The following TRPM6 variants were observed in gnomAD, a reference collection of about 807,000 sequenced individuals.
TRPM6 encodes transient receptor potential cation channel subfamily M member 6.
Under a neutral mutation model 247.6 loss-of-function variants are expected in TRPM6, and 111 were observed. The ratio of observed to expected loss-of-function variants is 0.45; its 90% confidence interval spans 0.38 to 0.52. The LOEUF (loss-of-function observed/expected upper bound fraction) is 0.52, where lower values mean the gene tolerates loss of function less well. Ranked by LOEUF, TRPM6 falls within the 20% of genes least tolerant of loss-of-function variation. TRPM6 has a pLI of 0.00. For missense variants in TRPM6, 2,126 were observed against 2,421.5 expected (o/e 0.88, Z 2.56); for synonymous variants, 892 against 853.8 (o/e 1.04, Z -0.78).
In TRPM6 at chr9:74,872,676, G is replaced by A. The variant is rs149644026; in HGVS notation, c.34-13928C>T. 4.1e-3 allele frequency among the ~76,000 whole-genome samples: 616 copies of A among 151,926 alleles called. 6 individuals are homozygous for A. The highest frequency in any genetic ancestry group is 0.014 in the African/African-American group (596 of 41,430). On this transcript the variant is annotated intron_variant, in intron 1 of 38. Transcript: ENST00000360774. ...GTAGAGACAGGGTTTCCCTGTCTTG[G>A]CCAGGCTGATTTCAAACTCCTGACC...
At chr9:74,883,066 TA>T (rs1298026489) in intron 1 of TRPM6, among the ~76,000 whole-genome samples, 1 of 152,108 alleles carries the variant, frequency 6.6e-6, no homozygotes, top group Non-Finnish European at 1.5e-5. Context: ...TTTTTGTTTG[TA>T]TGAATTTGAT....
chr9:74,837,254 A>G (rs981597802), intron 5 of TRPM6, among the ~76,000 whole-genome samples: 6 of 152,182 alleles, frequency 3.9e-5, no homozygotes, highest in Non-Finnish European at 5.9e-5. Flanking sequence ...TTAAACGTGC[A>G]CGGGAATCAT....
At chr9:74,837,121 G>T (rs1423197529) in intron 5 of TRPM6, among the ~76,000 whole-genome samples, 2 of 152,150 alleles carry the variant, frequency 1.3e-5, no homozygotes, top group African/African-American at 4.8e-5. Context: ...TTTTCACATA[G>T]TAGATTCTTA....
At chr9:74,873,246 T>C (rs758627200) in intron 1 of TRPM6, among the ~76,000 whole-genome samples, 32 of 152,306 alleles carry the variant, frequency 2.1e-4, no homozygotes, top group Non-Finnish European at 2.1e-4. Flanking sequence ...AGAAAACTTC[T>C]GGAAACTCTC....
intron 3 of TRPM6, among the ~76,000 whole-genome samples, chr9:74,846,952 C>T (rs1830129288): frequency 6.6e-6 from 1 of 152,174 alleles, no homozygotes; most frequent in South Asian, 2.1e-4. Context: ...GCCTAGTCAT[C>T]AGTCCTATGA....
intron 23 of TRPM6, among the ~76,000 whole-genome samples, chr9:74,777,255 T>A (rs117377343): frequency 6.6e-6 from 1 of 152,316 alleles, no homozygotes; most frequent in East Asian, 1.9e-4. Flanking sequence ...CACCAGCAGG[T>A]GGCGACTTAA....
chr9:74,733,878 T>C (rs1244328498), intron 36 of TRPM6, among the ~76,000 whole-genome samples: 1 of 152,244 alleles, frequency 6.6e-6, no homozygotes, highest in East Asian at 1.9e-4. Flanking sequence ...ACTTTCATTC[T>C]ACTTATAAAC....
chr9:74,856,475 G>A (rs1318883447), intron 2 of TRPM6, among the ~76,000 whole-genome samples: 2 of 149,276 alleles, frequency 1.3e-5, no homozygotes, highest in Non-Finnish European at 2.9e-5. Flanking sequence ...GTCTGTGTGT[G>A]TGTGTGTGTG....
intron 25 of TRPM6, among the ~76,000 whole-genome samples, chr9:74,763,464 C>A (rs576407559): frequency 6.6e-6 from 1 of 152,160 alleles, no homozygotes; most frequent in Non-Finnish European, 1.5e-5. Flanking sequence ...CATTTTTACT[C>A]ATTAATATAT....
At chr9:74,851,776 A>C (rs1406087435) in intron 3 of TRPM6, among the ~76,000 whole-genome samples, 1 of 141,260 alleles carries the variant, frequency 7.1e-6, no homozygotes, top group Non-Finnish European at 1.5e-5. Flanking sequence ...ATATATATAT[A>C]ATACATATAT....
At chr9:74,753,815 C>T (rs1197453150) in intron 28 of TRPM6, among the ~76,000 whole-genome samples, 1 of 152,036 alleles carries the variant, frequency 6.6e-6, no homozygotes, top group Non-Finnish European at 1.5e-5. Context: ...AAAAAACAAG[C>T]TTCTCAACTC....
chr9:74,751,787 T>A (rs1826256512), intron 29 of TRPM6, among the ~76,000 whole-genome samples: 1 of 152,178 alleles, frequency 6.6e-6, no homozygotes, highest in Admixed American at 6.5e-5. Context: ...GCTTGACTGA[T>A]CGCACTAGTG....
At chr9:74,743,526 T>C (rs1388712875) in intron 32 of TRPM6, among the ~76,000 whole-genome samples, 1 of 152,358 alleles carries the variant, frequency 6.6e-6, no homozygotes, top group East Asian at 1.9e-4. Flanking sequence ...AACTAGCCCT[T>C]TGGCAGACTG....
Position 74,763,108 on chromosome 9 carries a change from T to C in TRPM6, c.3563A>G (p.Lys1188Arg). Residue 1188 changes from lysine (K) to arginine (R), a missense_variant, in exon 26 of 39, where the codon AAA becomes AGA. By Grantham distance (26) the Lys-to-Arg change is conservative (BLOSUM62 2). This residue lies in a region of TRPM6 where 717 missense variants were observed against 715.9 expected (regional missense o/e 1.00). Coordinates refer to ENST00000360774, the MANE Select transcript of TRPM6 (RefSeq NM_017662.5). ...ERVTEMYFQL[K>R]EMNEKVSFIK... ...AAAAGACACCTTTTCATTCATTTCT[T>C]TCAGCTGGAAGTACATCTCTGTAAC... The C allele has an allele frequency of 1.9e-6, 3 of 1,612,704 alleles. 1 individual carries two copies. The South Asian group carries it at 3.3e-5, about 18-fold the overall frequency.
Position 74,885,445 on chromosome 9 carries a change from T to G in TRPM6, c.33+2379A>C, listed in dbSNP as rs1350207235. On this transcript the variant is annotated intron_variant, in intron 1 of 38. Coordinates refer to ENST00000360774, the MANE Select transcript of TRPM6 (RefSeq NM_017662.5). The stretch of plus-strand genomic sequence containing the variant: ...GTTAAAAGAGATGAACATGATTACT[T>G]CTCTTAAAAAGCAGGAAGTGATGGA... Among the ~76,000 whole-genome samples the G allele has an allele frequency of 9.8e-5, 15 of 152,312 alleles. No homozygotes were observed. In the East Asian group the frequency reaches 2.7e-3, roughly 27 times the overall value.
chr9:74,797,356 A>G (rs982872316), intron 17 of TRPM6, among the ~76,000 whole-genome samples: 6 of 152,208 alleles, frequency 3.9e-5, no homozygotes, highest in African/African-American at 1.4e-4. Context: ...GACCCCAAGG[A>G]TACCAAAATC....
In TRPM6 at chr9:74,827,853, C is replaced by T. The variant is rs781237985; in HGVS notation, c.766G>A (p.Val256Met). ...TTCATTTCATTTCCATACTTGCCCA[C>T]GGTCCCATCATCAGACAGGATGAAG... is the stretch of plus-strand genomic sequence containing the variant. ...SHFILSDDGT[V>M]GKYGNEMKLR... The change falls in exon 7 of 39, where the codon GTG becomes ATG. Residue 256 changes from valine (V) to methionine (M), a missense_variant. Physicochemically the swap from Val to Met is conservative, Grantham distance 21. Around this residue, in one of 3 missense-constraint regions of TRPM6, gnomAD observed 1,082 missense variants for 1,307.9 expected, o/e 0.83. Transcript: ENST00000360774. The T allele has an allele frequency of 2.9e-5, 47 of 1,614,086 alleles. No homozygotes were observed. Among genetic ancestry groups the T allele is most frequent in the Non-Finnish European group, 3.2e-5 (38 of 1,180,022 alleles).
chr9:74,795,057 CCTGT>C (rs377667842), intron 18 of TRPM6, among the ~76,000 whole-genome samples: 348 of 152,204 alleles, frequency 2.3e-3, no homozygotes, highest in African/African-American at 7.9e-3. Flanking sequence ...GATTTATCGA[CCTGT>C]CTAAGACCGA....
chr9:74,797,264 C>T (rs1828130529), intron 17 of TRPM6, among the ~76,000 whole-genome samples: 1 of 152,092 alleles, frequency 6.6e-6, no homozygotes, highest in African/African-American at 2.4e-5. Flanking sequence ...GGTAGCCACG[C>T]TATATTGTTA....
Sources: gnomAD v4.1 joint callset for allele counts (sites outside exome capture counted in the v4.1 genomes callset) on GRCh38, gnomAD v4.1.1 for gene constraint, gnomAD v4.1.1 regional missense constraint, MANE v1.5 for transcripts, NCBI Gene and HGNC (gene_info 2026-07-23, HGNC 2026-07-21) for gene names.